The following PSMD14 variants were observed in gnomAD, a reference collection of about 807,000 sequenced individuals.
PSMD14 encodes the protein ubiquitin C-terminal hydrolase PSMD14.
PSMD14 carries 7 observed loss-of-function variants against 41.2 expected under a neutral mutation model. That is an observed-to-expected ratio of 0.17 (90% confidence interval 0.10 to 0.32). PSMD14 has a LOEUF of 0.32. PSMD14 is among the 10% of genes least tolerant of loss of function. The pLI is 1.00. For missense variants in PSMD14, 139 were observed against 375.6 expected, an observed-to-expected ratio of 0.37 and a Z score of 5.21; for synonymous variants, 114 against 122.3, an observed-to-expected ratio of 0.93 and a Z score of 0.45.
intron 10 of PSMD14, among the ~76,000 whole-genome samples, chr2:161,407,000 T>G (rs1283765883): frequency 6.6e-6 from 1 of 152,150 alleles, no homozygotes; most frequent in Admixed American, 6.6e-5. Context: ...AACTGTTTTG[T>G]ACATGGATTG....
At chr2:161,341,490 T>C (rs1017508247) in intron 3 of PSMD14, among the ~76,000 whole-genome samples, 2 of 151,992 alleles carry the variant, frequency 1.3e-5, no homozygotes, top group African/African-American at 2.4e-5. Context: ...GGCTTGTCTT[T>C]TTATCTTCTT....
intron 7 of PSMD14, among the ~76,000 whole-genome samples, chr2:161,374,021 G>A (rs769362199): frequency 1.1e-4 from 16 of 151,710 alleles, no homozygotes; most frequent in Non-Finnish European, 2.2e-4. Context: ...AGATTGCTTT[G>A]CCAAAGTCAG....
At chr2:161,324,107 A>G (rs902873965) in intron 3 of PSMD14, among the ~76,000 whole-genome samples, 8 of 152,200 alleles carry the variant, frequency 5.3e-5, no homozygotes, top group African/African-American at 7.2e-5. Context: ...AGTAGATGGA[A>G]CTTAAGCAAA....
chr2:161,400,986 C>T (rs1306913869), intron 10 of PSMD14, among the ~76,000 whole-genome samples: 2 of 152,042 alleles, frequency 1.3e-5, no homozygotes, highest in Non-Finnish European at 1.5e-5. Context: ...TGTATACATA[C>T]ATAGATGTAC....
intron 3 of PSMD14, among the ~76,000 whole-genome samples, chr2:161,336,854 C>T (rs1267792664): frequency 1.3e-5 from 2 of 152,190 alleles, no homozygotes; most frequent in East Asian, 1.9e-4. Flanking sequence ...GGATTATAGG[C>T]GTGAGCCACC....
intron 3 of PSMD14, chr2:161,341,364 C>G (rs1005729066): frequency 6.6e-5 from 64 of 967,986 alleles, no homozygotes; most frequent in Admixed American, 1.2e-4. Flanking sequence ...GCTGCGACCC[C>G]GAGGGATCCC....
chr2:161,311,122 G>GA lies in PSMD14; in HGVS notation c.-138+2521dup, dbSNP rs893435343. On this transcript the variant is annotated intron_variant, in intron 1 of 11. Transcript: ENST00000409682. ...GGAGTTCCAGTCTGGCCAACATGGC[G>GA]AAACCCCTTCTCTACTAAAAATACA... Among the ~76,000 whole-genome samples, 51 of 152,236 alleles carry GA rather than the reference G, an allele frequency of 3.4e-4. 1 individual carries two copies. The highest frequency in any genetic ancestry group is 2.2e-4 in the Non-Finnish European group (15 of 68,004).
intron 7 of PSMD14, among the ~76,000 whole-genome samples, chr2:161,373,861 T>C (rs1054123643): frequency 2.6e-5 from 4 of 151,982 alleles, no homozygotes; most frequent in African/African-American, 9.7e-5. Flanking sequence ...TATGATGACT[T>C]GATTATATTT....
intron 6 of PSMD14, among the ~76,000 whole-genome samples, chr2:161,370,905 CTG>C (rs1683422691): frequency 6.6e-6 from 1 of 152,126 alleles, no homozygotes; most frequent in Non-Finnish European, 1.5e-5. Flanking sequence ...CTCTGAGAAA[CTG>C]TGGTAACAAG....
intron 7 of PSMD14, chr2:161,384,958 A>C (rs1038089460): frequency 3.3e-5 from 5 of 151,868 alleles, no homozygotes; most frequent in African/African-American, 9.7e-5. Flanking sequence ...ACAAGAAGTA[A>C]AAGGTATCTG....
At chr2:161,352,113 C>CTAG (rs1171280740) in intron 3 of PSMD14, among the ~76,000 whole-genome samples, 6 of 152,146 alleles carry the variant, frequency 3.9e-5, no homozygotes, top group Non-Finnish European at 8.8e-5. Flanking sequence ...TCTGAAATTC[C>CTAG]TAGACAACTG....
At chr2:161,322,550 C>G (rs757966662) in intron 3 of PSMD14, among the ~76,000 whole-genome samples, 1 of 152,090 alleles carries the variant, frequency 6.6e-6, no homozygotes, top group Non-Finnish European at 1.5e-5. Flanking sequence ...CCTCCACGCC[C>G]AGCTAATTTT....
chr2:161,364,359 A>G (rs1272267589), intron 3 of PSMD14, among the ~76,000 whole-genome samples: 1 of 152,128 alleles, frequency 6.6e-6, no homozygotes, highest in Non-Finnish European at 1.5e-5. Flanking sequence ...GGGAGTTTTA[A>G]TAGACACAGC....
chr2:161,309,906 AGCACTT>A (rs1689069037), intron 1 of PSMD14, among the ~76,000 whole-genome samples: 1 of 152,068 alleles, frequency 6.6e-6, no homozygotes, highest in Admixed American at 6.6e-5. Context: ...CTGTAATCCC[AGCACTT>A]TGGGAGGCTG....
chr2:161,342,011 A>C (rs1054487364), intron 3 of PSMD14, among the ~76,000 whole-genome samples: 1 of 151,780 alleles, frequency 6.6e-6, no homozygotes, highest in Admixed American at 6.6e-5. Flanking sequence ...TTTGTTTGTG[A>C]TCCATTTTGA....
At chr2:161,392,392 T>C (rs1559053553) in intron 9 of PSMD14, among the ~76,000 whole-genome samples, 1 of 152,142 alleles carries the variant, frequency 6.6e-6, no homozygotes, top group Non-Finnish European at 1.5e-5. Context: ...CTCACCAAGG[T>C]GTCTTAGAAG....
At chr2:161,314,472 C>A (rs1255623669) in intron 1 of PSMD14, among the ~76,000 whole-genome samples, 1 of 152,200 alleles carries the variant, frequency 6.6e-6, no homozygotes, top group Non-Finnish European at 1.5e-5. Context: ...GCCATTACCA[C>A]CTCAGTTTAG....
intron 10 of PSMD14, among the ~76,000 whole-genome samples, chr2:161,395,758 A>G (rs1043720059): frequency 6.6e-6 from 1 of 152,236 alleles, no homozygotes; most frequent in African/African-American, 2.4e-5. Context: ...GCAGTGTTAT[A>G]TTAACAAATA....
At chr2:161,350,711 C>T (rs1382014580) in intron 3 of PSMD14, among the ~76,000 whole-genome samples, 1 of 152,132 alleles carries the variant, frequency 6.6e-6, no homozygotes, top group Non-Finnish European at 1.5e-5. Flanking sequence ...CACATAAATA[C>T]ATTTATAGTT....
Sources: allele counts gnomAD v4.1 joint callset (sites outside exome capture counted in the v4.1 genomes callset), GRCh38; gene constraint gnomAD v4.1.1; transcripts MANE v1.5; gene names NCBI Gene and HGNC (gene_info 2026-07-23, HGNC 2026-07-21).